Variants in MALRD1 observed in about 807,000 individuals in gnomAD.
The protein encoded by MALRD1 is MAM and LDL receptor class A domain containing 1, also known as MAM and LDL-receptor class A domain-containing protein 1.
In MALRD1, 247 loss-of-function variants were observed where a neutral mutation model predicts 242.1. That is an observed-to-expected ratio of 1.02 (90% CI 0.92 to 1.13). The LOEUF (loss-of-function observed/expected upper bound fraction) is 1.13, where lower values mean the gene tolerates loss of function less well. Among genes scored for constraint, MALRD1 ranks in the 50% most tolerant of loss-of-function variants. The pLI, the probability that MALRD1 is intolerant of heterozygous loss-of-function variation, is 0.00. For missense variants in MALRD1, 2,989 were observed against 2,533.1 expected (o/e 1.18, Z -3.86); for synonymous variants, 995 against 866.6 (o/e 1.15, Z -2.60).
At position 19,238,015 on chromosome 10, in the gene MALRD1, A is replaced by C. The variant is rs182509531; in HGVS notation, c.2992-19669A>C. On this transcript the variant is annotated intron_variant, in intron 18 of 39. Coordinates refer to ENST00000454679, the MANE Select transcript of MALRD1 (RefSeq NM_001142308.3). ...ATTTTATACAGTTATATATAATTAT[A>C]TGTAATTTTATACAGTTATATATAA... Among the ~76,000 whole-genome samples, 37 of 7,870 alleles carry C rather than the reference A, an allele frequency of 4.7e-3. 4 individuals carry two copies. The highest frequency in any genetic ancestry group is 0.017 in the African/African-American group (37 of 2,156). 5.2% of individuals were successfully genotyped at this position (7,870 alleles called of 152,430 possible).
chr10:19,601,818 CAAG>C (rs1278152650), intron 34 of MALRD1, among the ~76,000 whole-genome samples: 1 of 151,808 alleles, frequency 6.6e-6, no homozygotes, highest in Non-Finnish European at 1.5e-5. Flanking sequence ...TATATGTTTT[CAAG>C]AAGATGAGTA....
intron 18 of MALRD1, among the ~76,000 whole-genome samples, chr10:19,253,047 T>C (rs1377215922): frequency 1.3e-5 from 2 of 152,032 alleles, no homozygotes. Context: ...AATGCGTTTA[T>C]AAGAATTTAC....
At chr10:19,163,137 TAAAAAAA>T (rs58034381) in intron 12 of MALRD1, among the ~76,000 whole-genome samples, 47 of 43,848 alleles carry the variant, frequency 1.1e-3, no homozygotes, top group African/African-American at 3.6e-3. Context: ...AAACCCTGTC[TAAAAAAA>T]AAAAAAAAAA....
At chr10:19,193,868 A>T (rs10827038) in intron 14 of MALRD1, among the ~76,000 whole-genome samples, 25,296 of 151,712 alleles carry the variant, frequency 0.17, 2,300 homozygotes, top group Non-Finnish European at 0.2. Context: ...ACACACATAT[A>T]TATAATGCAA....
intron 11 of MALRD1, among the ~76,000 whole-genome samples, chr10:19,152,965 A>G (rs990992516): frequency 6.6e-6 from 1 of 152,158 alleles, no homozygotes; most frequent in African/African-American, 2.4e-5. Context: ...GCCATTTAGA[A>G]TGCTATTTAT....
chr10:19,453,688 C>G (rs966362847), intron 29 of MALRD1, among the ~76,000 whole-genome samples: 4 of 151,674 alleles, frequency 2.6e-5, no homozygotes, highest in Admixed American at 6.6e-5. Flanking sequence ...CCAGCCTGGC[C>G]AACATGGTGA....
intron 5 of MALRD1, among the ~76,000 whole-genome samples, chr10:19,121,188 G>C (rs1006075011): frequency 6.6e-6 from 1 of 151,594 alleles, no homozygotes; most frequent in Admixed American, 6.6e-5. Context: ...TTACAGGCGT[G>C]TGCCACCATG....
intron 36 of MALRD1, among the ~76,000 whole-genome samples, chr10:19,685,833 T>C (rs1842559460): frequency 6.6e-6 from 1 of 152,296 alleles, no homozygotes. Flanking sequence ...GACAGAATTC[T>C]TACTGGACAA....
intron 32 of MALRD1, among the ~76,000 whole-genome samples, chr10:19,552,352 T>C (rs547769793): frequency 5.5e-4 from 84 of 152,292 alleles, no homozygotes; most frequent in Non-Finnish European, 1.1e-3. Flanking sequence ...TCCTAGTTCA[T>C]GTGCATAGAG....
chr10:19,278,718 A>G (rs16918457), intron 19 of MALRD1, among the ~76,000 whole-genome samples: 14,339 of 152,228 alleles, frequency 0.094, 776 homozygotes, highest in Middle Eastern at 0.14. Flanking sequence ...CAGAGATGGC[A>G]TATTTGACTT....
chr10:19,329,991 TA>T (rs1209773473), intron 23 of MALRD1, among the ~76,000 whole-genome samples: 5 of 152,200 alleles, frequency 3.3e-5, no homozygotes, highest in African/African-American at 1.2e-4. Context: ...CATTGCAGCA[TA>T]TGTTGAAATT....
chr10:19,111,976 A>C (rs1170828522), intron 5 of MALRD1, among the ~76,000 whole-genome samples: 1 of 152,158 alleles, frequency 6.6e-6, no homozygotes, highest in Non-Finnish European at 1.5e-5. Flanking sequence ...TGTAAAATTA[A>C]GTAGCATTAA....
At chr10:19,454,703 C>G (rs968072615) in intron 29 of MALRD1, among the ~76,000 whole-genome samples, 2 of 121,804 alleles carry the variant, frequency 1.6e-5, no homozygotes, top group South Asian at 2.8e-4. Context: ...GAGGACTGTC[C>G]GTGCACACGT....
At chr10:19,270,221 C>T (rs971388324) in intron 19 of MALRD1, among the ~76,000 whole-genome samples, 6 of 152,046 alleles carry the variant, frequency 3.9e-5, no homozygotes, top group African/African-American at 1.4e-4. Flanking sequence ...GACGCTGAGG[C>T]ACAAGAATCG....
At position 19,692,496 on chromosome 10, in the gene MALRD1, A is replaced by G; in HGVS notation, c.6256A>G (p.Met2086Val). 6.5e-7 allele frequency: 1 copy of G among 1,535,946 alleles called. No homozygotes were observed. The highest frequency in any genetic ancestry group is 8.7e-7 in the Non-Finnish European group (1 of 1,146,604). ...CCTGGGTATTGGATTAGCATTCCTG[A>G]TGACTCACATCACAGTTGCAGTCTT... Reference protein sequence around the residue: ...TLLGIGLAFLMTHITVAVLCF... With the variant: ...TLLGIGLAFLVTHITVAVLCF... Residue 2086 changes from methionine (M) to valine (V), a missense_variant, in exon 38 of 40, where the codon ATG becomes GTG. Transcript: ENST00000454679.
chr10:19,676,795 C>T (rs536951458), intron 36 of MALRD1, among the ~76,000 whole-genome samples: 34 of 152,236 alleles, frequency 2.2e-4, no homozygotes, highest in African/African-American at 7.7e-4. Context: ...GCCTGGCATG[C>T]GTTAGCTGTT....
At chr10:19,096,897 G>T (rs1275352150) in intron 4 of MALRD1, among the ~76,000 whole-genome samples, 1 of 152,160 alleles carries the variant, frequency 6.6e-6, no homozygotes, top group African/African-American at 2.4e-5. Context: ...TCACCTGGGG[G>T]CTTTATCACC....
chr10:19,239,140 C>A (rs1451184891), intron 18 of MALRD1, among the ~76,000 whole-genome samples: 1 of 151,632 alleles, frequency 6.6e-6, no homozygotes, highest in Non-Finnish European at 1.5e-5. Flanking sequence ...CTCACGGCAA[C>A]CTCCATCTCC....
chr10:19,191,779 C>T (rs1220562592), intron 14 of MALRD1, among the ~76,000 whole-genome samples: 1 of 152,084 alleles, frequency 6.6e-6, no homozygotes, highest in African/African-American at 2.4e-5. Flanking sequence ...AGGTGGATCA[C>T]CTGAGGTCAG....
Sources: gnomAD v4.1 joint callset for allele counts (sites outside exome capture counted in the v4.1 genomes callset) on GRCh38, gnomAD v4.1.1 for gene constraint, MANE v1.5 for transcripts, NCBI Gene and HGNC (gene_info 2026-07-23, HGNC 2026-07-21) for gene names.